Variants in PTPRR observed in about 807,000 individuals in gnomAD.
PTPRR encodes receptor-type tyrosine-protein phosphatase R.
PTPRR carries 38 observed loss-of-function variants against 77.2 expected under a neutral mutation model. The ratio of observed to expected loss-of-function variants is 0.49; its 90% CI spans 0.38 to 0.65. The LOEUF is 0.65. Ranked by LOEUF, PTPRR falls within the 30% of genes least tolerant of loss-of-function variation. The pLI is 0.00. For missense variants in PTPRR, 744 were observed against 799.2 expected (o/e 0.93, Z 0.83); for synonymous variants, 299 against 283.1 (o/e 1.06, Z -0.57).
chr12:70,692,276 AAT>A (rs2136757390), intron 8 of PTPRR, among the ~76,000 whole-genome samples: 1 of 152,294 alleles, frequency 6.6e-6, no homozygotes, highest in East Asian at 1.9e-4. Flanking sequence ...ACTTATTGAT[AAT>A]TCAGTTTAGA....
intron 2 of PTPRR, among the ~76,000 whole-genome samples, chr12:70,787,062 TCATTTCTAGAAA>T (rs1715264584): frequency 6.6e-6 from 1 of 152,174 alleles, no homozygotes; most frequent in African/African-American, 2.4e-5. Context: ...GAGAACTGTC[TCATTTCTAGAAA>T]AGAAAGATTC....
chr12:70,738,338 C>T lies in PTPRR; in HGVS notation c.1007+7480G>A, dbSNP rs116567314. 5.2e-3 allele frequency among the ~76,000 whole-genome samples: 791 copies of T among 152,238 alleles called. 8 individuals carry two copies. The highest frequency in any genetic ancestry group is 0.018 in the African/African-American group (735 of 41,540). On this transcript the variant is annotated intron_variant, in intron 6 of 13. Coordinates refer to ENST00000283228, the MANE Select transcript of PTPRR (RefSeq NM_002849.4). ...ACCCTTGGGGGCCTACTGAGACCTC[C>T]GTTTTGATAGAAAAAAACACCCATT...
At chr12:70,769,186 AG>A (rs1890906305) in intron 2 of PTPRR, among the ~76,000 whole-genome samples, 1 of 147,762 alleles carries the variant, frequency 6.8e-6, no homozygotes, top group Non-Finnish European at 1.5e-5. Context: ...AAGGAAATAA[AG>A]GGTATTCAAT....
intron 2 of PTPRR, among the ~76,000 whole-genome samples, chr12:70,875,401 C>T (rs924855613): frequency 6.6e-6 from 1 of 151,978 alleles, no homozygotes. Flanking sequence ...GGGTTCTTAG[C>T]ATGATGGACC....
intron 13 of PTPRR, among the ~76,000 whole-genome samples, chr12:70,647,447 ACAT>A (rs35400816): frequency 0.036 from 5,546 of 152,310 alleles, 150 homozygotes; most frequent in Non-Finnish European, 0.057. Context: ...TAAAATATAA[ACAT>A]CATCTATAGT....
intron 2 of PTPRR, among the ~76,000 whole-genome samples, chr12:70,777,060 A>C (rs1179219401): frequency 6.6e-6 from 1 of 152,070 alleles, no homozygotes; most frequent in African/African-American, 2.4e-5. Flanking sequence ...TATATATCAT[A>C]CATAATATAT....
At chr12:70,684,676 A>G in intron 9 of PTPRR, 28 bp downstream of exon 9, 1 of 1,447,740 alleles carries the variant, frequency 6.9e-7, no homozygotes, top group South Asian at 1.2e-5. Context: ...GGAAGTCACC[A>G]GAAAGAAATT....
intron 2 of PTPRR, among the ~76,000 whole-genome samples, chr12:70,860,360 A>C (rs1381077706): frequency 6.6e-6 from 1 of 152,148 alleles, no homozygotes; most frequent in Non-Finnish European, 1.5e-5. Flanking sequence ...ATACAGACCA[A>C]GTCAGTTCAA....
chr12:70,790,304 A>C (rs1402015878), intron 2 of PTPRR, among the ~76,000 whole-genome samples: 2 of 152,130 alleles, frequency 1.3e-5, no homozygotes, highest in Non-Finnish European at 2.9e-5. Context: ...CAGGATTGCT[A>C]CATCCAATGT....
intron 6 of PTPRR, among the ~76,000 whole-genome samples, chr12:70,719,881 G>A (rs1280206864): frequency 6.6e-6 from 1 of 152,180 alleles, no homozygotes; most frequent in East Asian, 1.9e-4. Flanking sequence ...ATGGCAACAA[G>A]TGTCTCAAGT....
chr12:70,709,198 C>T (rs1592693656), intron 6 of PTPRR, among the ~76,000 whole-genome samples: 1 of 152,086 alleles, frequency 6.6e-6, no homozygotes, highest in Admixed American at 6.6e-5. Flanking sequence ...TAATTCATCA[C>T]ATAAGCAGAA....
rs546518181 is a variant in PTPRR, at chr12:70,920,478, T to G, written c.-88A>C. The stretch of plus-strand genomic sequence containing the variant: ...TTAGAAAGAGCCACCGCCAAGGGTC[T>G]TCTAGTCTCCGGGATTCAGGTCCTC... On this transcript the variant is annotated 5_prime_UTR_variant, in exon 1 of 14. Transcript: ENST00000283228. 1.2e-5 allele frequency: 16 copies of G among 1,314,706 alleles called. No individual in the cohort carries two copies. Among genetic ancestry groups the G allele is most frequent in the Admixed American group, 7.6e-5 (4 of 52,924 alleles). The allele number at this position is 1,314,706 out of a possible 1,614,324, so 81.4% of individuals were successfully genotyped here. A position where few individuals can be genotyped will look rare whatever the true frequency, so the allele number is the denominator to read the frequency against.
intron 2 of PTPRR, among the ~76,000 whole-genome samples, chr12:70,887,406 C>T (rs1023120135): frequency 3.3e-5 from 5 of 151,766 alleles, no homozygotes; most frequent in Non-Finnish European, 5.9e-5. Flanking sequence ...CAGCCAAGAT[C>T]GCACCACTGC....
intron 5 of PTPRR, among the ~76,000 whole-genome samples, chr12:70,746,606 C>A (rs1319270600): frequency 6.6e-6 from 1 of 152,112 alleles, no homozygotes; most frequent in Non-Finnish European, 1.5e-5. Context: ...AAATACTTGA[C>A]AAATTAAATT....
chr12:70,882,460 A>G (rs1161513563), intron 2 of PTPRR, among the ~76,000 whole-genome samples: 1 of 152,198 alleles, frequency 6.6e-6, no homozygotes, highest in Non-Finnish European at 1.5e-5. Context: ...ACCCACCCTT[A>G]TCATACTAAA....
chr12:70,765,213 C>T (rs972331975), intron 2 of PTPRR, among the ~76,000 whole-genome samples: 2 of 152,196 alleles, frequency 1.3e-5, no homozygotes, highest in Non-Finnish European at 2.9e-5. Context: ...GAGGCATTGC[C>T]TCACTCGGGA....
chr12:70,727,938 A>G lies in PTPRR; in HGVS notation c.1007+17880T>C, dbSNP rs575626724. Among the ~76,000 whole-genome samples the G allele has an allele frequency of 9.2e-4, 140 of 152,340 alleles. 1 individual carries two copies. Among genetic ancestry groups the G allele is most frequent in the African/African-American group, 3.3e-3 (137 of 41,588 alleles). On this transcript the variant is annotated intron_variant, in intron 6 of 13. Coordinates refer to ENST00000283228, the MANE Select transcript of PTPRR (RefSeq NM_002849.4). The stretch of plus-strand genomic sequence containing the variant: ...TGGTTAAGAAAGAAAATAAGATCAT[A>G]CCTGTAAGTCTAATAATCAAAACAA...
At chr12:70,713,969 T>C (rs1381321983) in intron 6 of PTPRR, among the ~76,000 whole-genome samples, 1 of 152,132 alleles carries the variant, frequency 6.6e-6, no homozygotes, top group Non-Finnish European at 1.5e-5. Flanking sequence ...AACATTTACA[T>C]TGGAAGACGG....
At chr12:70,712,913 A>G (rs1363687920) in intron 6 of PTPRR, among the ~76,000 whole-genome samples, 6 of 152,114 alleles carry the variant, frequency 3.9e-5, no homozygotes, top group African/African-American at 1.4e-4. Context: ...TAAAATTCAC[A>G]TTTCCAAAGT....
Sources: allele counts gnomAD v4.1 joint callset (sites outside exome capture counted in the v4.1 genomes callset), GRCh38; gene constraint gnomAD v4.1.1; transcripts MANE v1.5; gene names NCBI Gene and HGNC (gene_info 2026-07-23, HGNC 2026-07-21).